The following ROBO1 variants were observed in gnomAD, a reference collection of about 807,000 sequenced individuals.
ROBO1 encodes the protein roundabout homolog 1.
In ROBO1, 149 loss-of-function variants were observed where a neutral mutation model predicts 195.9. The ratio of observed to expected loss-of-function variants is 0.76; its 90% CI spans 0.67 to 0.87. The LOEUF (loss-of-function observed/expected upper bound fraction) is 0.87. Ranked by LOEUF, ROBO1 falls within the 40% of genes least tolerant of loss-of-function variation. The pLI is 0.00. For synonymous variants in ROBO1, 816 were observed against 733.2 expected, an observed-to-expected ratio of 1.11 and a Z score of -1.82; for missense variants, 1,933 against 2,068.3, an observed-to-expected ratio of 0.93 and a Z score of 1.27.
chr3:78,822,236 C>G (rs1441167355), intron 4 of ROBO1, among the ~76,000 whole-genome samples: 1 of 152,072 alleles, frequency 6.6e-6, no homozygotes, highest in Non-Finnish European at 1.5e-5. Context: ...TAAAATGAAG[C>G]TCTTGGAATG....
intron 2 of ROBO1, among the ~76,000 whole-genome samples, chr3:79,584,666 C>A: frequency 6.8e-6 from 1 of 146,730 alleles, no homozygotes; most frequent in South Asian, 2.2e-4. Context: ...CACACATACA[C>A]GTACACACAT....
At chr3:79,029,649 T>C (rs557654871) in intron 3 of ROBO1, among the ~76,000 whole-genome samples, 10 of 152,324 alleles carry the variant, frequency 6.6e-5, no homozygotes, top group African/African-American at 2.4e-4. Context: ...GTAGAAGCTA[T>C]GTGATTAAAG....
intron 2 of ROBO1, among the ~76,000 whole-genome samples, chr3:79,582,790 T>A (rs2107793791): frequency 6.6e-6 from 1 of 152,140 alleles, no homozygotes; most frequent in East Asian, 1.9e-4. Context: ...TTTCAATATA[T>A]ATCTTTACTT....
At chr3:78,850,078 G>C (rs567395375) in intron 4 of ROBO1, among the ~76,000 whole-genome samples, 1 of 152,230 alleles carries the variant, frequency 6.6e-6, no homozygotes, top group East Asian at 1.9e-4. Flanking sequence ...AGAGCAACAG[G>C]TCATATCATA....
At chr3:78,770,807 T>G (rs1417236450) in intron 4 of ROBO1, among the ~76,000 whole-genome samples, 1 of 152,180 alleles carries the variant, frequency 6.6e-6, no homozygotes, top group East Asian at 1.9e-4. Flanking sequence ...GGCTGATACC[T>G]GTGATTCCAC....
intron 2 of ROBO1, among the ~76,000 whole-genome samples, chr3:79,323,529 C>T (rs1416907115): frequency 6.6e-6 from 1 of 152,132 alleles, no homozygotes; most frequent in Non-Finnish European, 1.5e-5. Flanking sequence ...TGTGTTCATG[C>T]ATGCATTTAC....
intron 3 of ROBO1, among the ~76,000 whole-genome samples, chr3:79,098,302 T>C (rs931177281): frequency 4.0e-5 from 6 of 151,860 alleles, no homozygotes; most frequent in Admixed American, 3.3e-4. Context: ...GTAATCCTCA[T>C]GCAGAATTTT....
At chr3:79,323,164 C>T (rs970704691) in intron 2 of ROBO1, among the ~76,000 whole-genome samples, 2 of 152,146 alleles carry the variant, frequency 1.3e-5, no homozygotes, top group South Asian at 4.2e-4. Flanking sequence ...TCACTGCAAC[C>T]TCTGCCTCCT....
intron 2 of ROBO1, among the ~76,000 whole-genome samples, chr3:79,291,895 C>T (rs892400014): frequency 3.3e-5 from 5 of 152,132 alleles, no homozygotes; most frequent in African/African-American, 9.7e-5. Context: ...GAGGAGAATA[C>T]ACTTCTCTAC....
chr3:79,373,482 T>C lies in ROBO1; in HGVS notation c.88+216342A>G, dbSNP rs368914895. Among the ~76,000 whole-genome samples the C allele has an allele frequency of 7.2e-5, 11 of 152,326 alleles. No individual in the cohort carries two copies. The South Asian group carries it at 2.3e-3, about 32-fold the overall frequency. ...GGGGCTAACACTTCACAAATGTTTC[T>C]CTATTATCACACCTAGCAAGCATAG... On this transcript the variant is annotated intron_variant, in intron 2 of 30. Transcript: ENST00000464233.
chr3:79,356,218 G>C (rs915697388), intron 2 of ROBO1, among the ~76,000 whole-genome samples: 9 of 152,242 alleles, frequency 5.9e-5, no homozygotes, highest in Admixed American at 3.9e-4. Context: ...GTGCACACCT[G>C]AAATCCCAGC....
At chr3:79,209,258 T>C (rs1008479985) in intron 2 of ROBO1, among the ~76,000 whole-genome samples, 10 of 152,172 alleles carry the variant, frequency 6.6e-5, no homozygotes, top group Admixed American at 2.0e-4. Context: ...TTTTCCATTG[T>C]TGAGTTACTT....
chr3:78,745,506 T>C (rs1323078306), intron 5 of ROBO1, among the ~76,000 whole-genome samples: 2 of 152,232 alleles, frequency 1.3e-5, no homozygotes, highest in East Asian at 3.9e-4. Context: ...CTTACCTTCA[T>C]TGTACATGAA....
intron 3 of ROBO1, among the ~76,000 whole-genome samples, chr3:78,996,471 T>C (rs1453023401): frequency 1.3e-5 from 2 of 152,134 alleles, no homozygotes; most frequent in Non-Finnish European, 2.9e-5. Flanking sequence ...ATTTATTCTA[T>C]CTAACAGTGG....
intron 3 of ROBO1, among the ~76,000 whole-genome samples, chr3:79,006,658 C>T (rs1262355338): frequency 1.6e-5 from 2 of 128,252 alleles, no homozygotes; most frequent in African/African-American, 3.0e-5. Flanking sequence ...TTCCCTGGAG[C>T]AAGATTCAGC....
intron 2 of ROBO1, among the ~76,000 whole-genome samples, chr3:79,281,537 A>G (rs2031509214): frequency 6.6e-6 from 1 of 152,140 alleles, no homozygotes; most frequent in African/African-American, 2.4e-5. Context: ...ATGTTTATAG[A>G]AGTTTGTATT....
At chr3:79,140,125 G>A (rs533368855) in intron 2 of ROBO1, among the ~76,000 whole-genome samples, 1 of 152,156 alleles carries the variant, frequency 6.6e-6, no homozygotes, top group South Asian at 2.1e-4. Flanking sequence ...TAAAAACTGA[G>A]ATCTCCTTAT....
intron 4 of ROBO1, among the ~76,000 whole-genome samples, chr3:78,765,798 A>G (rs2083216344): frequency 6.6e-6 from 1 of 152,204 alleles, no homozygotes; most frequent in Non-Finnish European, 1.5e-5. Flanking sequence ...ATCTGTGTGT[A>G]CATGTTGCAT....
At chr3:79,506,746 A>G (rs114922744) in intron 2 of ROBO1, among the ~76,000 whole-genome samples, 1 of 152,312 alleles carries the variant, frequency 6.6e-6, no homozygotes, top group Non-Finnish European at 1.5e-5. Flanking sequence ...CCCGGCTGAG[A>G]CAAAGCAATT....
Sources: gnomAD v4.1 joint callset for allele counts (sites outside exome capture counted in the v4.1 genomes callset) on GRCh38, gnomAD v4.1.1 for gene constraint, MANE v1.5 for transcripts, NCBI Gene and HGNC (gene_info 2026-07-23, HGNC 2026-07-21) for gene names.